The following TPST2 variants were observed in gnomAD, a reference collection of about 807,000 sequenced individuals.
TPST2 encodes the protein protein-tyrosine sulfotransferase 2.
In TPST2, 16 loss-of-function variants were observed where a neutral mutation model predicts 27.8. The ratio of observed to expected loss-of-function variants is 0.58; its 90% CI spans 0.39 to 0.88. The LOEUF (loss-of-function observed/expected upper bound fraction) is 0.88. Ranked by LOEUF, TPST2 falls within the 40% of genes least tolerant of loss-of-function variation. TPST2 has a pLI of 0.00. For synonymous variants in TPST2, 229 were observed against 231.7 expected, an observed-to-expected ratio of 0.99 and a Z score of 0.10; for missense variants, 464 against 543.1, an observed-to-expected ratio of 0.85 and a Z score of 1.45.
chr22:26,543,722 G>A (rs1193583927), intron 2 of TPST2, among the ~76,000 whole-genome samples: 1 of 152,244 alleles, frequency 6.6e-6, no homozygotes, highest in Non-Finnish European at 1.5e-5. Context: ...GCCCAAGGTT[G>A]CATGGCCAGG....
Position 26,540,860 on chromosome 22 carries a change from G to A in TPST2, c.771C>T (p.Gly257=), listed in dbSNP as rs201521913. 1 of 1,614,058 alleles carries A rather than the reference G, an allele frequency of 6.2e-7. No homozygotes were observed. The highest frequency in any genetic ancestry group is 8.5e-7 in the Non-Finnish European group (1 of 1,180,002). Residue 257 remains glycine, a synonymous_variant, in exon 3 of 7, where the codon GGC becomes GGT. Coordinates refer to ENST00000338754, the MANE Select transcript of TPST2 (RefSeq NM_003595.5). ...GGAGGACAGCGTCGCTCCAGGCGAT[G>A]CCGAGGAAGTCGAGGATGAGCTTGA... ...RSLKLILDFL[G]IAWSDAVLHH...
intron 1 of TPST2, among the ~76,000 whole-genome samples, chr22:26,582,490 G>A (rs900910738): frequency 3.3e-5 from 5 of 152,058 alleles, no homozygotes; most frequent in Non-Finnish European, 5.9e-5. Flanking sequence ...GTTCCCCAAG[G>A]GGATCATATG....
intron 1 of TPST2, among the ~76,000 whole-genome samples, chr22:26,572,385 G>A (rs144261958): frequency 6.6e-6 from 1 of 152,290 alleles, no homozygotes; most frequent in Admixed American, 6.5e-5. Flanking sequence ...AGGTGGAGCC[G>A]AGATGGAGAC....
At chr22:26,582,526 T>A (rs1166559862) in intron 1 of TPST2, among the ~76,000 whole-genome samples, 1 of 152,188 alleles carries the variant, frequency 6.6e-6, no homozygotes, top group African/African-American at 2.4e-5. Flanking sequence ...GAGGCCTGGG[T>A]ACTCAACTTC....
chr22:26,581,793 G>A (rs763898480), intron 1 of TPST2, among the ~76,000 whole-genome samples: 21 of 152,200 alleles, frequency 1.4e-4, no homozygotes, highest in Non-Finnish European at 2.9e-4. Flanking sequence ...TTTATAACTT[G>A]TAGGGACTCA....
chr22:26,540,114 A>T (rs1925712508), intron 3 of TPST2, among the ~76,000 whole-genome samples: 1 of 152,224 alleles, frequency 6.6e-6, no homozygotes, highest in African/African-American at 2.4e-5. Flanking sequence ...GCCCACAGGT[A>T]TCTATAAGGT....
chr22:26,587,402 T>C (rs760991530), intron 1 of TPST2, among the ~76,000 whole-genome samples: 4 of 152,144 alleles, frequency 2.6e-5, no homozygotes, highest in East Asian at 1.9e-4. Flanking sequence ...AGTGGTGTGA[T>C]TGATCTTGGC....
At position 26,523,344 on chromosome 22, in the gene TPST2, T is replaced by A. The variant is rs972147828; in HGVS notation, c.*2931A>T. On this transcript the variant is annotated 3_prime_UTR_variant, in exon 7 of 7. Coordinates refer to ENST00000338754, the MANE Select transcript of TPST2 (RefSeq NM_003595.5). ...AAGACTATGTACAAACAGAAAATGGTAGCATTACCTTTAGGAGCTATTGAG... is the reference window on the plus strand; with the variant it reads ...AAGACTATGTACAAACAGAAAATGGAAGCATTACCTTTAGGAGCTATTGAG... 1 of 152,204 alleles carries A rather than the reference T, an allele frequency of 6.6e-6. No individual in the cohort carries two copies. The highest frequency in any genetic ancestry group is 1.5e-5 in the Non-Finnish European group (1 of 68,038). The allele number at this position is 152,204 out of a possible 1,614,324, so 9.4% of individuals were successfully genotyped here. A position where few individuals can be genotyped will look rare whatever the true frequency, so the allele number is the denominator to read the frequency against.
intron 1 of TPST2, among the ~76,000 whole-genome samples, chr22:26,554,921 C>G (rs1408793669): frequency 7.1e-6 from 1 of 141,822 alleles, no homozygotes; most frequent in Non-Finnish European, 1.6e-5. Flanking sequence ...CTGGGTGACA[C>G]AGCAAGACTC....
chr22:26,577,959 T>C (rs1201852212), intron 1 of TPST2, among the ~76,000 whole-genome samples: 3 of 152,160 alleles, frequency 2.0e-5, no homozygotes, highest in Non-Finnish European at 4.4e-5. Context: ...TGGCCGAGTT[T>C]CATTTCTTAG....
intron 6 of TPST2, 83 bp from the exon 7 acceptor site, chr22:26,526,350 A>G (rs956780202): frequency 6.6e-6 from 1 of 152,254 alleles, no homozygotes; most frequent in Non-Finnish European, 1.5e-5. Context: ...ATTGCAGAAC[A>G]TACTGTCTTC....
In TPST2 at chr22:26,540,847, C is replaced by T. The variant is rs776756599; in HGVS notation, c.784G>A (p.Asp262Asn). 13 of 1,613,498 alleles carry T rather than the reference C, an allele frequency of 8.1e-6. No homozygotes were observed. The Admixed American group carries it at 8.3e-5, about 10-fold the overall frequency. The change falls in exon 3 of 7, where the codon GAC becomes AAC. Residue 262 changes from aspartate (D) to asparagine (N), a missense_variant. Asp to Asn is a conservative substitution (Grantham distance 23). Transcript: ENST00000338754. Reference sequence around the variant, plus strand: ...AGGTCTTCATGGTGGAGGACAGCGTCGCTCCAGGCGATGCCGAGGAAGTCG... The same window carrying T: ...AGGTCTTCATGGTGGAGGACAGCGTTGCTCCAGGCGATGCCGAGGAAGTCG... ...ILDFLGIAWS[D>N]AVLHHEDLIG... is the part of the protein sequence containing the mutation.
At chr22:26,530,402 C>A (rs376335182) in intron 5 of TPST2, among the ~76,000 whole-genome samples, 1 of 152,076 alleles carries the variant, frequency 6.6e-6, no homozygotes, top group African/African-American at 2.4e-5. Context: ...CATGTACCAC[C>A]GTTTACTGAC....
intron 3 of TPST2, among the ~76,000 whole-genome samples, chr22:26,538,140 T>C (rs370098460): frequency 6.6e-4 from 100 of 152,150 alleles, no homozygotes; most frequent in African/African-American, 2.3e-3. Context: ...GTTCTAAATG[T>C]TTTCATCCCA....
intron 1 of TPST2, among the ~76,000 whole-genome samples, chr22:26,546,372 T>C (rs1926126591): frequency 6.6e-6 from 1 of 152,182 alleles, no homozygotes; most frequent in Non-Finnish European, 1.5e-5. Context: ...CGGTCAATGA[T>C]GTGAGGCCTG....
intron 1 of TPST2, among the ~76,000 whole-genome samples, chr22:26,576,536 G>A (rs1475605638): frequency 1.3e-5 from 2 of 152,060 alleles, no homozygotes; most frequent in African/African-American, 2.4e-5. Flanking sequence ...GTCCCAAGTA[G>A]AAGGAACAGC....
intron 1 of TPST2, among the ~76,000 whole-genome samples, chr22:26,580,130 G>C (rs1928038207): frequency 6.6e-6 from 1 of 152,114 alleles, no homozygotes; most frequent in Admixed American, 6.5e-5. Context: ...TGTAGTCCCA[G>C]CTACTCGAGA....
intron 5 of TPST2, among the ~76,000 whole-genome samples, chr22:26,530,747 C>T (rs1435989478): frequency 6.6e-6 from 1 of 152,058 alleles, no homozygotes; most frequent in African/African-American, 2.4e-5. Context: ...CAGTGGCTCA[C>T]GCCTGTAATC....
intron 1 of TPST2, among the ~76,000 whole-genome samples, chr22:26,577,820 G>A (rs1927917524): frequency 6.6e-6 from 1 of 151,162 alleles, no homozygotes; most frequent in South Asian, 2.1e-4. Flanking sequence ...CACCATGCCT[G>A]GCTAATTTTT....
Sources: allele counts gnomAD v4.1 joint callset (sites outside exome capture counted in the v4.1 genomes callset), GRCh38; gene constraint gnomAD v4.1.1; transcripts MANE v1.5; gene names NCBI Gene and HGNC (gene_info 2026-07-23, HGNC 2026-07-21).